The following ADGRG1 variants were observed in gnomAD, a reference collection of about 807,000 sequenced individuals.
The protein encoded by ADGRG1 is 7-transmembrane protein with no EGF-like N-terminal domains-1.
Under a neutral mutation model 73.5 loss-of-function variants are expected in ADGRG1, and 53 were observed. That is an observed-to-expected ratio of 0.72 (90% confidence interval 0.58 to 0.91). The LOEUF is 0.91. Among genes scored for constraint, ADGRG1 ranks in the 40% least tolerant of loss-of-function variants. The pLI, the probability that ADGRG1 is intolerant of heterozygous loss-of-function variation, is 0.00. For missense variants in ADGRG1, 795 were observed against 871.8 expected (o/e 0.91, Z 1.11); for synonymous variants, 394 against 374.4 (o/e 1.05, Z -0.60).
intron 1 of ADGRG1, among the ~76,000 whole-genome samples, chr16:57,634,789 A>T (rs1255054095): frequency 1.3e-5 from 2 of 151,954 alleles, no homozygotes; most frequent in African/African-American, 4.8e-5. Context: ...GCCTTGGGGG[A>T]GATGGGCACC....
intron 1 of ADGRG1, chr16:57,642,506 T>G (rs1449538235): frequency 4.1e-6 from 4 of 984,330 alleles, no homozygotes; most frequent in East Asian, 2.3e-4. Context: ...ATAACAGGTG[T>G]CCGTGCAAAA....
chr16:57,631,659 GAC>G, intron 1 of ADGRG1: 17 of 985,232 alleles, frequency 1.7e-5, no homozygotes, highest in Non-Finnish European at 1.9e-5. Flanking sequence ...GGGGTGACCA[GAC>G]ACAGCAACTG....
chr16:57,636,261 A>C, intron 1 of ADGRG1: 1 of 985,386 alleles, frequency 1.0e-6, no homozygotes, highest in Non-Finnish European at 1.2e-6. Flanking sequence ...TCCAAGGTTC[A>C]GTGCTCACAG....
chr16:57,657,254 AG>A, intron 9 of ADGRG1, 118 bp from the exon 10 acceptor site: 1 of 1,427,394 alleles, frequency 7.0e-7, no homozygotes, highest in Non-Finnish European at 9.8e-7. Context: ...CAGTTGGGAG[AG>A]GGGGTTCTTA....
rs770994213 is a variant in ADGRG1 at position 57,651,533 on chromosome 16, C to T, written c.398C>T (p.Pro133Leu). 6.2e-7 allele frequency: 1 copy of T among 1,614,238 alleles called. No individual in the cohort carries two copies. Among genetic ancestry groups the T allele is most frequent in the South Asian group, 1.1e-5 (1 of 91,092 alleles). The change falls in exon 3 of 14, where the codon CCC (proline) becomes CTC (leucine). Residue 133 changes from proline to leucine, a missense_variant. By Grantham distance (98) the Pro-to-Leu change is moderately conservative. Coordinates refer to ENST00000562631, the MANE Select transcript of ADGRG1 (RefSeq NM_201525.4). ...CAGGAGGAGAGCCTGGCTCAGGGCC[C>T]CCCGCTGTTAGCCACTTCTGTCACC... ...QHQEESLAQG[P>L]PLLATSVTSW...
At chr16:57,660,440 G>T (rs765272146) in intron 11 of ADGRG1, 3 of 947,952 alleles carry the variant, frequency 3.2e-6, no homozygotes, top group African/African-American at 3.5e-5. Flanking sequence ...AACTCTTGCC[G>T]TCCCTCCTAA....
intron 1 of ADGRG1, 193 bp downstream of exon 1, chr16:57,628,995 A>AGTGTGTGAGCGTGAGAGT (rs1567669848): frequency 6.4e-6 from 3 of 469,070 alleles, no homozygotes; most frequent in Middle Eastern, 1.1e-3. Context: ...TGAGAATGTG[A>AGTGTGTGAGCGTGAGAGT]GTGTGAGTGT....
intron 1 of ADGRG1, chr16:57,644,232 A>T (rs1028374084): frequency 1.0e-6 from 1 of 976,688 alleles, no homozygotes. Flanking sequence ...ACTCATGCAC[A>T]CACACTCATG....
intron 3 of ADGRG1, chr16:57,652,016 A>C: frequency 8.7e-7 from 1 of 1,155,786 alleles, no homozygotes; most frequent in Non-Finnish European, 1.1e-6. Flanking sequence ...ATCAGTGTAG[A>C]CTGTTTATTT....
Position 57,655,227 on chromosome 16 carries a change from CAGGG to C in ADGRG1, c.769-170_769-167del, listed in dbSNP as rs1286838861. On this transcript the variant is annotated intron_variant, in intron 5 of 13. Transcript: ENST00000562631. ...AAGACTCCCCAGCCAGAGCTGGTAG[CAGGG>C]AAGGGAGGGATGAGGAGGGCTGTCA... is the stretch of plus-strand genomic sequence containing the variant. 1.2e-5 allele frequency: 12 copies of C among 985,230 alleles called. No individual in the cohort carries two copies. In the South Asian group the frequency reaches 4.7e-4, roughly 39 times the overall value. The allele number at this position is 985,230 out of a possible 1,614,324, so 61.0% of individuals were successfully genotyped here.
At position 57,646,514 on chromosome 16, in the gene ADGRG1, G is replaced by C. The variant is rs573783005; in HGVS notation, c.-35-3739G>C. 11 of 985,402 alleles carry C rather than the reference G, an allele frequency of 1.1e-5. No individual in the cohort carries two copies. The African/African-American group carries it at 1.7e-4, about 16-fold the overall frequency. 61.0% of individuals were successfully genotyped at this position (985,402 alleles called of 1,614,324 possible). A position where few individuals can be genotyped will look rare whatever the true frequency, so the allele number is the denominator to read the frequency against. ...TTACGGAAGGTCTGAGGTCAAGGGC[G>C]GCTGCTCTGGAAGCTGGGGGTTGTG... On this transcript the variant is annotated intron_variant, in intron 1 of 13. Transcript: ENST00000562631.
chr16:57,627,893 C>T, upstream of ADGRG1: 2 of 971,466 alleles, frequency 2.1e-6, no homozygotes, highest in Non-Finnish European at 2.4e-6. Context: ...TCTGTCTGAG[C>T]TTTTGGGGCC....
intron 11 of ADGRG1, 112 bp downstream of exon 11, chr16:57,659,793 T>C: frequency 8.9e-7 from 1 of 1,126,692 alleles, no homozygotes; most frequent in South Asian, 1.4e-5. Context: ...CCTCCTGGCC[T>C]CCTTCACTCA....
rs192502894 is a variant in ADGRG1 at position 57,656,495 on chromosome 16, C to G, written c.1064-19C>G. On this transcript the variant is annotated intron_variant, in intron 8 of 13. Coordinates refer to ENST00000562631, the MANE Select transcript of ADGRG1 (RefSeq NM_201525.4). ...GGAGGACTGGACTTGATTGGAGCCC[C>G]GTGCTGTCCCCTCCTCAGTGAGCAG... 3 of 1,597,806 alleles carry G rather than the reference C, an allele frequency of 1.9e-6. No individual in the cohort carries two copies. In the African/African-American group the frequency reaches 4.0e-5, roughly 21 times the overall value.
At chr16:57,648,489 C>T (rs1185725987) in intron 1 of ADGRG1, 3 of 971,718 alleles carry the variant, frequency 3.1e-6, no homozygotes, top group Non-Finnish European at 3.7e-6. Context: ...TTCCATTCCA[C>T]ATGGTGGGAC....
In ADGRG1 at chr16:57,648,678, C is replaced by T. The variant is rs565840925; in HGVS notation, c.-35-1575C>T. 5.8e-5 allele frequency: 57 copies of T among 984,044 alleles called. 1 individual carries two copies. The South Asian group carries it at 1.9e-3, about 33-fold the overall frequency. 61.0% of individuals were successfully genotyped at this position (984,044 alleles called of 1,614,324 possible). On this transcript the variant is annotated intron_variant, in intron 1 of 13. Transcript: ENST00000562631. ...TGGTTTCTCTTAAACTCAGACTCCA[C>T]GTGTGTTCTCCGGCTTGTGGCCGAT...
intron 3 of ADGRG1, 74 bp downstream of exon 3, chr16:57,651,696 C>G: frequency 6.5e-7 from 1 of 1,531,326 alleles, no homozygotes; most frequent in African/African-American, 1.4e-5. Flanking sequence ...GCAAAGTGGA[C>G]TGGGCTCACA....
chr16:57,655,626 G>A, intron 6 of ADGRG1, 96 bp downstream of exon 6: 2 of 1,595,720 alleles, frequency 1.3e-6, no homozygotes, highest in South Asian at 2.2e-5. Flanking sequence ...TCCTCTGGGA[G>A]TCAAAGCCTT....
In ADGRG1 at chr16:57,629,976, T is replaced by C. The variant is rs2037298342; in HGVS notation, c.-36+1174T>C. On this transcript the variant is annotated intron_variant, in intron 1 of 13. Transcript: ENST00000562631. The stretch of plus-strand genomic sequence containing the variant: ...CAGGGGCCTCCCACCCCCACCAATG[T>C]GGAGCAGTTGTAGCCTGGGGTCCAC... The C allele has an allele frequency of 6.1e-6, 6 of 984,790 alleles. No individual in the cohort carries two copies. The African/African-American group carries it at 1.0e-4, about 17-fold the overall frequency. 61.0% of individuals were successfully genotyped at this position (984,790 alleles called of 1,614,324 possible). A position where few individuals can be genotyped will look rare whatever the true frequency, so the allele number is the denominator to read the frequency against.
Sources: allele counts gnomAD v4.1 joint callset (sites outside exome capture counted in the v4.1 genomes callset), GRCh38; gene constraint gnomAD v4.1.1; transcripts MANE v1.5; gene names NCBI Gene and HGNC (gene_info 2026-07-23, HGNC 2026-07-21).